The following MYO7B variants were observed in gnomAD, a reference collection of about 807,000 sequenced individuals.
MYO7B encodes the protein unconventional myosin-VIIb.
Under a neutral mutation model 259.7 loss-of-function variants are expected in MYO7B, and 212 were observed. That is an observed-to-expected ratio of 0.82 (90% confidence interval 0.73 to 0.91). The LOEUF is 0.91. Ranked by LOEUF, MYO7B falls within the 40% of genes least tolerant of loss-of-function variation. The pLI, the probability that MYO7B is intolerant of heterozygous loss-of-function variation, is 0.00. For missense variants in MYO7B, 2,732 were observed against 2,813.5 expected, an observed-to-expected ratio of 0.97 and a Z score of 0.66; for synonymous variants, 1,197 against 1,166.4, an observed-to-expected ratio of 1.03 and a Z score of -0.54.
rs751528205 is a variant in MYO7B, at chr2:127,635,743, G to A, written c.5842G>A (p.Gly1948Arg). The A allele has an allele frequency of 4.7e-5, 76 of 1,604,132 alleles. 1 individual carries two copies. The South Asian group carries it at 4.9e-4, about 10-fold the overall frequency. Residue 1948 changes from glycine to arginine, a missense_variant, in exon 44 of 48, where the codon GGA becomes AGA. Physicochemically the swap from Gly to Arg is moderately radical, Grantham distance 125 (BLOSUM62 -2). Around this residue, in one of 3 missense-constraint regions of MYO7B, gnomAD observed 821 missense variants for 769.3 expected, o/e 1.07. Transcript: ENST00000409816. Reference protein sequence around the residue: ...YHQELPKYLRGFHKCSREDAI... With the variant: ...YHQELPKYLRRFHKCSREDAI... ...CCAGGAGCTGCCCAAGTACCTGCGCGGATTCCACAAGTGTTCGCGGGAGGA... is the reference window on the plus strand; with the variant it reads ...CCAGGAGCTGCCCAAGTACCTGCGCAGATTCCACAAGTGTTCGCGGGAGGA...
rs1212635950 is a variant in MYO7B at position 127,636,195 on chromosome 2, T to C, written c.6007-13T>C. The C allele has an allele frequency of 4.4e-6, 7 of 1,604,698 alleles. No homozygotes were observed. The highest frequency in any genetic ancestry group is 5.1e-6 in the Non-Finnish European group (6 of 1,173,022). ...TGGGCACCCAAGTCCTTACTGGCCCTCCTGTCCCCCAGAGCATCCTTCTAG... is the reference window on the plus strand; with the variant it reads ...TGGGCACCCAAGTCCTTACTGGCCCCCCTGTCCCCCAGAGCATCCTTCTAG... On this transcript the variant is annotated splice_polypyrimidine_tract_variant and intron_variant, in intron 44 of 47. Transcript: ENST00000409816. The surrounding 1 kb of genome is among the most constrained non-coding windows in gnomAD (Gnocchi z 4.5).
chr2:127,592,565 A>C (rs892414872), intron 16 of MYO7B, among the ~76,000 whole-genome samples: 2 of 151,982 alleles, frequency 1.3e-5, no homozygotes, highest in Non-Finnish European at 2.9e-5. Flanking sequence ...TCTCCTTGAC[A>C]ACATTACGGG....
At chr2:127,542,878 A>G (rs1693059967) in intron 1 of MYO7B, among the ~76,000 whole-genome samples, 1 of 152,208 alleles carries the variant, frequency 6.6e-6, no homozygotes, top group South Asian at 2.1e-4. Flanking sequence ...AAGTTTAAGA[A>G]AAGGTGCTGT....
chr2:127,547,037 C>G (rs1435475267), intron 1 of MYO7B, among the ~76,000 whole-genome samples: 2 of 152,108 alleles, frequency 1.3e-5, no homozygotes, highest in African/African-American at 4.8e-5. Context: ...ACTACCCATA[C>G]ATCCACCTAT....
chr2:127,542,497 C>T (rs181016880), intron 1 of MYO7B, among the ~76,000 whole-genome samples: 3 of 152,206 alleles, frequency 2.0e-5, no homozygotes, highest in South Asian at 4.1e-4. Flanking sequence ...ACTGTCTGGG[C>T]GGGGATGGAA....
intron 27 of MYO7B, among the ~76,000 whole-genome samples, chr2:127,621,090 A>G (rs1486635909): frequency 6.6e-6 from 1 of 152,104 alleles, no homozygotes; most frequent in Non-Finnish European, 1.5e-5. Context: ...AACCACGGTC[A>G]CTGAAGCCAT....
chr2:127,636,852 A>G lies in MYO7B; in HGVS notation c.6266A>G (p.Tyr2089Cys), dbSNP rs368540096. ...KISSWSSGSTYFHMALGSLGR... is the reference protein window; with the variant it reads ...KISSWSSGSTCFHMALGSLGR... ...TCCAGCTGGAGCAGCGGCAGCACCT[A>G]CTTCCACATGGCGCTGGGGAGCCTG... The change falls in exon 47 of 48, where the codon TAC (tyrosine) becomes TGC (cysteine). Residue 2089 changes from tyrosine (Y) to cysteine (C), a missense_variant. By Grantham distance (194) the Tyr-to-Cys change is radical. Around this residue, in one of 3 missense-constraint regions of MYO7B, gnomAD observed 821 missense variants for 769.3 expected, o/e 1.07. Coordinates refer to ENST00000409816, the MANE Select transcript of MYO7B (RefSeq NM_001393586.1). The surrounding 1 kb of genome is among the most constrained non-coding windows in gnomAD (Gnocchi z 4.5). 3 of 1,613,336 alleles carry G rather than the reference A, an allele frequency of 1.9e-6. No individual in the cohort carries two copies. In the African/African-American group the frequency reaches 4.0e-5, roughly 22 times the overall value.
At chr2:127,569,954 G>T in intron 6 of MYO7B, 44 bp downstream of exon 6, 1 of 1,582,942 alleles carries the variant, frequency 6.3e-7, no homozygotes, top group Non-Finnish European at 8.6e-7. Context: ...CAGCCCCCCT[G>T]GAGCCTTCCT....
At position 127,636,261 on chromosome 2, in the gene MYO7B, G is replaced by C; in HGVS notation, c.6060G>C (p.Lys2020Asn). 2 of 1,613,654 alleles carry C rather than the reference G, an allele frequency of 1.2e-6. No individual in the cohort carries two copies. Among genetic ancestry groups the C allele is most frequent in the Non-Finnish European group, 1.7e-6 (2 of 1,179,830 alleles). The change falls in exon 45 of 48, where the codon AAG becomes AAC. Residue 2020 changes from lysine (K) to asparagine (N), a missense_variant. This residue lies in a region of MYO7B where 821 missense variants were observed against 769.3 expected (regional missense o/e 1.07). Coordinates refer to ENST00000409816, the MANE Select transcript of MYO7B (RefSeq NM_001393586.1). This position sits in a 1 kb window ranked among gnomAD's most constrained non-coding sequence, Gnocchi z 4.5. Reference sequence around the variant, plus strand: ...AGGACAAGACAGTGGAGGAGGCCAAGGTGGCCTTCCTGAAGTGGATCTGCC... The same window carrying C: ...AGGACAAGACAGTGGAGGAGGCCAACGTGGCCTTCCTGAAGTGGATCTGCC... Reference protein sequence around the residue: ...KHKDKTVEEAKVAFLKWICRW... With the variant: ...KHKDKTVEEANVAFLKWICRW...
Position 127,593,648 on chromosome 2 carries a change from A to G in MYO7B, c.2244+4A>G, listed in dbSNP as rs772675347. On this transcript the variant is annotated splice_donor_region_variant and intron_variant, in intron 18 of 47. Transcript: ENST00000409816. ...GAAGACAAAAATTTTCCTGAGGGTGAGACCCCGAGGAACCAGCCAGCTGTC... is the reference window on the plus strand; with the variant it reads ...GAAGACAAAAATTTTCCTGAGGGTGGGACCCCGAGGAACCAGCCAGCTGTC... 6.8e-6 allele frequency: 11 copies of G among 1,613,104 alleles called. No homozygotes were observed. Among genetic ancestry groups the G allele is most frequent in the African/African-American group, 1.3e-5 (1 of 74,944 alleles).
At chr2:127,588,641 A>G in intron 15 of MYO7B, 86 bp downstream of exon 15, 1 of 1,519,700 alleles carries the variant, frequency 6.6e-7, no homozygotes, top group South Asian at 1.2e-5. Context: ...TGTTTTACTC[A>G]CCTCTGGGTC....
Position 127,635,889 on chromosome 2 carries a change from C to T in MYO7B, c.5988C>T (p.Ser1996=). 6.3e-7 allele frequency: 1 copy of T among 1,574,846 alleles called. No homozygotes were observed. Among genetic ancestry groups the T allele is most frequent in the Non-Finnish European group, 8.6e-7 (1 of 1,160,638 alleles). Reference sequence around the variant, plus strand: ...CTGAGAACCTCACACGCCTGATGTCCTCGGAGGAGTGGAAAAAGGTCCCTG... The same window carrying T: ...CTGAGAACCTCACACGCCTGATGTCTTCGGAGGAGTGGAAAAAGGTCCCTG... ...LVPENLTRLM[S]SEEWKKSILL... The change falls in exon 44 of 48, where the codon TCC becomes TCT. Residue 1996 remains serine (S), a synonymous_variant. Coordinates refer to ENST00000409816, the MANE Select transcript of MYO7B (RefSeq NM_001393586.1).
Position 127,623,314 on chromosome 2 carries a change from C to A in MYO7B, c.3758C>A (p.Ala1253Asp). ...TCTCGGGAAATGTGCATGCACATCG[C>A]TCACAAGCAGGGCCTCAGCGACCAC... ...STSREMCMHI[A>D]HKQGLSDHLG... Residue 1253 changes from alanine to aspartate, a missense_variant, in exon 29 of 48, where the codon GCT (alanine) becomes GAT (aspartate). By Grantham distance (126) the Ala-to-Asp change is moderately radical (BLOSUM62 -2). This residue lies in a region of MYO7B where 1,906 missense variants were observed against 2,026.4 expected (regional missense o/e 0.94). Transcript: ENST00000409816. 6.2e-7 allele frequency: 1 copy of A among 1,612,644 alleles called. No homozygotes were observed. The highest frequency in any genetic ancestry group is 8.5e-7 in the Non-Finnish European group (1 of 1,179,386).
At chr2:127,570,123 G>T (rs914451773) in intron 6 of MYO7B, among the ~76,000 whole-genome samples, 1 of 152,080 alleles carries the variant, frequency 6.6e-6, no homozygotes, top group Non-Finnish European at 1.5e-5. Flanking sequence ...ACTTCCACCA[G>T]GTGTGTTTTC....
In MYO7B at chr2:127,576,783, C is replaced by A. The variant is rs777656383; in HGVS notation, c.849+75C>A. On this transcript the variant is annotated intron_variant, in intron 8 of 47. Transcript: ENST00000409816. The surrounding 1 kb of genome is among the most constrained non-coding windows in gnomAD (Gnocchi z 4.9). ...AGAGCTTGTGCCGCTCCACCCTCCG[C>A]GACAGCTGCAGAGAAGCCCAACGCT... 3.6e-6 allele frequency: 4 copies of A among 1,111,390 alleles called. No homozygotes were observed. The African/African-American group carries it at 4.7e-5, about 13-fold the overall frequency. 68.8% of individuals were successfully genotyped at this position (1,111,390 alleles called of 1,614,324 possible).
rs149178646 is a variant in MYO7B at position 127,617,957 on chromosome 2, T to C, written c.3399-2383T>C. Among the ~76,000 whole-genome samples, 270 of 152,124 alleles carry C rather than the reference T, an allele frequency of 1.8e-3. 3 individuals are homozygous for C. The highest frequency in any genetic ancestry group is 6.1e-3 in the African/African-American group (255 of 41,496). On this transcript the variant is annotated intron_variant, in intron 26 of 47. Coordinates refer to ENST00000409816, the MANE Select transcript of MYO7B (RefSeq NM_001393586.1). ...CTGTCCCTGCAAGTTTCTCCTAGTCTTTGCTAGTCCTTGCTAGTCTTTGTC... is the reference window on the plus strand; with the variant it reads ...CTGTCCCTGCAAGTTTCTCCTAGTCCTTGCTAGTCCTTGCTAGTCTTTGTC...
At position 127,589,111 on chromosome 2, in the gene MYO7B, G is replaced by A. The variant is rs1445734001; in HGVS notation, c.1854+556G>A. Among the ~76,000 whole-genome samples, 4 of 148,034 alleles carry A rather than the reference G, an allele frequency of 2.7e-5. No individual in the cohort carries two copies. The East Asian group carries it at 8.4e-4, about 31-fold the overall frequency. On this transcript the variant is annotated intron_variant, in intron 15 of 47. Transcript: ENST00000409816. ...GGTGTGTCGATGGTTGGGTGGATGG[G>A]TGAGTGGGTGAATGGATAGATGGAT...
rs933853471 is a variant in MYO7B at position 127,631,625 on chromosome 2, C to T, written c.5121C>T (p.Tyr1707=). The T allele has an allele frequency of 2.5e-6, 4 of 1,613,080 alleles. No homozygotes were observed. The highest frequency in any genetic ancestry group is 2.2e-5 in the East Asian group (1 of 44,894). Residue 1707 remains tyrosine (Y), a synonymous_variant, in exon 38 of 48, where the codon TAC becomes TAT. Transcript: ENST00000409816. ...CCATCCTCCGGTACATGGGCGACTA[C>T]CCTTCTCGGCAGGCCTGGCCCACCC... The part of the protein sequence containing the change: ...FVAILRYMGD[Y]PSRQAWPTLE...
chr2:127,567,435 C>G (rs762627967), intron 5 of MYO7B, among the ~76,000 whole-genome samples: 1 of 152,172 alleles, frequency 6.6e-6, no homozygotes, highest in Admixed American at 6.5e-5. Flanking sequence ...CAGGTCCTGA[C>G]TGCTTCAGAG....
Sources: gnomAD v4.1 joint callset for allele counts (sites outside exome capture counted in the v4.1 genomes callset) on GRCh38, gnomAD v4.1.1 for gene constraint, gnomAD v4.1.1 regional missense constraint, Gnocchi (gnomAD v3.1) non-coding constraint, MANE v1.5 for transcripts, NCBI Gene and HGNC (gene_info 2026-07-23, HGNC 2026-07-21) for gene names.